The following AKAP9 variants were observed in gnomAD, a reference collection of about 807,000 sequenced individuals.
AKAP9 encodes the protein A-kinase anchor protein 9.
In AKAP9, 311 loss-of-function variants were observed where a neutral mutation model predicts 488.5. The observed-to-expected ratio is 0.64, with a 90% CI of 0.58 to 0.70. The LOEUF (loss-of-function observed/expected upper bound fraction) is 0.70, where lower values mean the gene tolerates loss of function less well. AKAP9 is among the 30% of genes least tolerant of loss of function. The probability of loss-of-function intolerance (pLI) is 0.00; values close to 1 mark genes in which losing one functional copy is unlikely to be tolerated. For synonymous variants in AKAP9, 1,462 were observed against 1,483.5 expected, an observed-to-expected ratio of 0.99 and a Z score of 0.33; for missense variants, 4,215 against 4,374.5, an observed-to-expected ratio of 0.96 and a Z score of 1.03.
chr7:92,039,697 G>A (rs1358242363), intron 17 of AKAP9, among the ~76,000 whole-genome samples: 7 of 152,126 alleles, frequency 4.6e-5, no homozygotes, highest in East Asian at 3.9e-4. Context: ...ACTCCAGGCC[G>A]AGTGTGGTGG....
rs1476200137 is a variant in AKAP9 at position 92,058,052 on chromosome 7, C to G, written c.5602-3208C>G. On this transcript the variant is annotated intron_variant, in intron 22 of 49. Coordinates refer to ENST00000356239, the MANE Select transcript of AKAP9 (RefSeq NM_005751.5). ...ATTTTATAACATTTATTTGATAGTG[C>G]TAAAAAAGAAACTTTTTATACTGCT... 3 of 391,112 alleles carry G rather than the reference C, an allele frequency of 7.7e-6. No individual in the cohort carries two copies. The East Asian group carries it at 1.4e-4, about 18-fold the overall frequency. 24.2% of individuals were successfully genotyped at this position (391,112 alleles called of 1,614,324 possible).
At chr7:92,101,391 C>T (rs981906617) in intron 45 of AKAP9, among the ~76,000 whole-genome samples, 1 of 151,014 alleles carries the variant, frequency 6.6e-6, no homozygotes. Context: ...GAGCCGAGAT[C>T]GCGCCACTGC....
intron 8 of AKAP9, among the ~76,000 whole-genome samples, chr7:92,007,051 G>T (rs532256231): frequency 2.0e-5 from 3 of 151,992 alleles, no homozygotes; most frequent in East Asian, 1.9e-4. Flanking sequence ...GAATAAAAGG[G>T]GGGGAATAAA....
intron 47 of AKAP9, among the ~76,000 whole-genome samples, 171 bp from the exon 48 acceptor site, chr7:92,107,122 A>G (rs111309812): frequency 2.6e-5 from 4 of 152,226 alleles, no homozygotes; most frequent in Non-Finnish European, 4.4e-5. Flanking sequence ...TGAAAGCCGA[A>G]TTTTTGTTTG....
At chr7:92,074,154 G>T (rs112601947) in intron 28 of AKAP9, among the ~76,000 whole-genome samples, 7,736 of 152,178 alleles carry the variant, frequency 0.051, 270 homozygotes, top group Non-Finnish European at 0.079. Flanking sequence ...AATCTACAAA[G>T]AACTTAAACA....
At position 92,061,441 on chromosome 7, in the gene AKAP9, A is replaced by G. The variant is rs940804772; in HGVS notation, c.5764+19A>G. Reference sequence around the variant, plus strand: ...GCTGAGGGTGAGCAATTTGCCATTGACAACTAAGGGTAGAGAAATTTCAGT... The same window carrying G: ...GCTGAGGGTGAGCAATTTGCCATTGGCAACTAAGGGTAGAGAAATTTCAGT... On this transcript the variant is annotated intron_variant, in intron 23 of 49. Transcript: ENST00000356239. The G allele has an allele frequency of 1.6e-5, 26 of 1,612,396 alleles. No individual in the cohort carries two copies. Among genetic ancestry groups the G allele is most frequent in the Non-Finnish European group, 2.1e-5 (25 of 1,179,152 alleles).
At chr7:92,011,732 A>G (rs1401000542) in intron 8 of AKAP9, among the ~76,000 whole-genome samples, 3 of 152,214 alleles carry the variant, frequency 2.0e-5, no homozygotes, top group Non-Finnish European at 4.4e-5. Flanking sequence ...AAGAGACCCT[A>G]CAAATCAACA....
intron 8 of AKAP9, among the ~76,000 whole-genome samples, chr7:92,006,020 C>A (rs1799801739): frequency 6.6e-6 from 1 of 152,080 alleles, no homozygotes; most frequent in Admixed American, 6.6e-5. Context: ...GTTTTCAAAA[C>A]CAAAATGTAT....
chr7:91,976,623 T>C (rs1389316837), intron 2 of AKAP9, among the ~76,000 whole-genome samples: 2 of 152,314 alleles, frequency 1.3e-5, no homozygotes, highest in Non-Finnish European at 2.9e-5. Flanking sequence ...ACAGCACACA[T>C]TTTACATTAT....
intron 37 of AKAP9, among the ~76,000 whole-genome samples, chr7:92,088,610 CAG>C (rs1429094735): frequency 6.6e-6 from 1 of 152,080 alleles, no homozygotes; most frequent in African/African-American, 2.4e-5. Context: ...CAGTGGTTGA[CAG>C]GGGTTAGGGT....
At chr7:92,029,863 C>T in intron 14 of AKAP9, 32 bp from the exon 15 acceptor site, 1 of 1,552,262 alleles carries the variant, frequency 6.4e-7, no homozygotes, top group East Asian at 2.2e-5. Flanking sequence ...ATATACAACT[C>T]TAATTCTTTA....
intron 21 of AKAP9, 42 bp from the exon 22 acceptor site, chr7:92,052,684 T>A: frequency 7.5e-7 from 1 of 1,331,238 alleles, no homozygotes; most frequent in African/African-American, 1.5e-5. Flanking sequence ...AAAATTATGA[T>A]TATTATAATT....
At chr7:91,957,888 A>G (rs962752035) in intron 1 of AKAP9, among the ~76,000 whole-genome samples, 1 of 151,990 alleles carries the variant, frequency 6.6e-6, no homozygotes, top group Non-Finnish European at 1.5e-5. Flanking sequence ...TAATAAAACT[A>G]TTTTCAGAAA....
At position 92,086,243 on chromosome 7, in the gene AKAP9, C is replaced by T. The variant is rs1285403296; in HGVS notation, c.9040C>T (p.Gln3014Ter). 3.1e-6 allele frequency: 5 copies of T among 1,613,890 alleles called. No homozygotes were observed. Among genetic ancestry groups the T allele is most frequent in the Non-Finnish European group, 4.2e-6 (5 of 1,179,938 alleles). Residue 3014 changes from glutamine to a stop codon, truncating the protein, a stop_gained, in exon 37 of 50, where the codon CAA becomes TAA. Transcript: ENST00000356239. LOFTEE classifies it high-confidence loss of function. The part of the protein sequence containing the change: ...QREAEVYDSS[Q>*]SHESFSDWRG... Reference sequence around the variant, plus strand: ...ACTTTGCTAGGTTTATGATAGTTCTCAATCTCATGAGAGCTTCTCAGACTG... The same window carrying T: ...ACTTTGCTAGGTTTATGATAGTTCTTAATCTCATGAGAGCTTCTCAGACTG...
chr7:92,078,177 T>C lies in AKAP9; in HGVS notation c.6945+302T>C, dbSNP rs900611793. Reference sequence around the variant, plus strand: ...ACACCTGGCTAATTTTTTGTATTTTTAATAGAGATGGGGTTTCACCATGTT... The same window carrying C: ...ACACCTGGCTAATTTTTTGTATTTTCAATAGAGATGGGGTTTCACCATGTT... On this transcript the variant is annotated intron_variant, in intron 30 of 49. Transcript: ENST00000356239. 1.2e-4 allele frequency among the ~76,000 whole-genome samples: 18 copies of C among 152,124 alleles called. 1 individual carries two copies. Among genetic ancestry groups the C allele is most frequent in the African/African-American group, 3.9e-4 (16 of 41,538 alleles).
intron 3 of AKAP9, among the ~76,000 whole-genome samples, chr7:91,985,373 A>T (rs1175088958): frequency 6.6e-6 from 1 of 152,072 alleles, no homozygotes; most frequent in East Asian, 1.9e-4. Flanking sequence ...TGAGATAATC[A>T]TGTGGTTTTT....
At position 91,992,216 on chromosome 7, in the gene AKAP9, A is replaced by T. The variant is rs778747883; in HGVS notation, c.405+5A>T. 8 of 1,599,420 alleles carry T rather than the reference A, an allele frequency of 5.0e-6. No homozygotes were observed. In the South Asian group the frequency reaches 7.7e-5, roughly 15 times the overall value. ...AAGCCTACAAATTTATTAAGGGTAC[A>T]GTATTTAAAACTACTTGTGATACTA... On this transcript the variant is annotated splice_donor_5th_base_variant and intron_variant, in intron 4 of 49. Coordinates refer to ENST00000356239, the MANE Select transcript of AKAP9 (RefSeq NM_005751.5).
intron 1 of AKAP9, among the ~76,000 whole-genome samples, chr7:91,959,465 A>T (rs1459024329): frequency 1.8e-5 from 1 of 54,370 alleles, no homozygotes; most frequent in African/African-American, 8.6e-5. Context: ...GCTAATTTAA[A>T]AAAAAAAAAA....
intron 16 of AKAP9, among the ~76,000 whole-genome samples, chr7:92,034,499 T>A (rs1315462077): frequency 1.7e-5 from 1 of 58,206 alleles, no homozygotes; most frequent in Non-Finnish European, 3.4e-5. Flanking sequence ...TATATATATA[T>A]TTTTTTTTTT....
Sources: gnomAD v4.1 joint callset for allele counts (sites outside exome capture counted in the v4.1 genomes callset) on GRCh38, gnomAD v4.1.1 for gene constraint, MANE v1.5 for transcripts, NCBI Gene and HGNC (gene_info 2026-07-23, HGNC 2026-07-21) for gene names.